ZFHX3: variants seen among roughly 807,000 people sequenced by gnomAD.
ZFHX3 encodes the protein zinc finger homeobox protein 3.
In ZFHX3, 42 loss-of-function variants were observed where a neutral mutation model predicts 279.1. The observed-to-expected ratio is 0.15, with a 90% CI of 0.12 to 0.19. The LOEUF is 0.19. ZFHX3 is among the 10% of genes least tolerant of loss of function. The probability of loss-of-function intolerance (pLI) is 1.00; values close to 1 mark genes in which losing one functional copy is unlikely to be tolerated. For missense variants in ZFHX3, 4,981 were observed against 4,754.0 expected (o/e 1.05, Z -1.40); for synonymous variants, 2,293 against 1,957.8 (o/e 1.17, Z -4.52).
At chr16:73,753,793 TTTAA>T (rs1262700588) in intron 1 of ZFHX3, among the ~76,000 whole-genome samples, 1 of 152,176 alleles carries the variant, frequency 6.6e-6, no homozygotes, top group East Asian at 1.9e-4. Flanking sequence ...GTGTTTTTTT[TTTAA>T]GAGAAAAACT....
chr16:73,549,453 G>A lies in ZFHX3; in HGVS notation c.-1546-93195C>T, dbSNP rs556310307. The stretch of plus-strand genomic sequence containing the variant: ...GTCATGATAGGAAGACAATATTTAC[G>A]TTTTTCTATCTTCTTTAGTTTAGTT... On this transcript the variant is annotated intron_variant, in intron 2 of 17. Coordinates refer to the ZFHX3 transcript ENST00000641206. Among the ~76,000 whole-genome samples the A allele has an allele frequency of 1.1e-4, 17 of 152,010 alleles. 1 individual carries two copies. In the South Asian group the frequency reaches 2.7e-3, roughly 24 times the overall value.
rs149281408 is a variant in ZFHX3, at chr16:73,135,610, T to G, written c.-1023-4516A>C. On this transcript the variant is annotated intron_variant, in intron 6 of 17. Transcript: ENST00000641206. The stretch of plus-strand genomic sequence containing the variant: ...CTGAATGTGGCCTGTGGAAGTCTTT[T>G]CACATACCAAAGAAAACACTATTCT... Among the ~76,000 whole-genome samples, 400 of 152,308 alleles carry G rather than the reference T, an allele frequency of 2.6e-3. 2 individuals are homozygous for G. Among genetic ancestry groups the G allele is most frequent in the Non-Finnish European group, 3.8e-3 (259 of 68,032 alleles).
At position 72,794,314 on chromosome 16, in the gene ZFHX3, T is replaced by C. The variant is rs1178585090; in HGVS notation, c.8368A>G (p.Lys2790Glu). 1 of 1,608,680 alleles carries C rather than the reference T, an allele frequency of 6.2e-7. No individual in the cohort carries two copies. Among genetic ancestry groups the C allele is most frequent in the East Asian group, 2.2e-5 (1 of 44,830 alleles). Residue 2790 changes from lysine to glutamate, a missense_variant, in exon 9 of 10, where the codon AAA becomes GAA. Physicochemically the swap from Lys to Glu is moderately conservative, Grantham distance 56 (BLOSUM62 1). Around this residue, in one of 7 missense-constraint regions of ZFHX3, gnomAD observed 744 missense variants for 701.3 expected, o/e 1.06. Transcript: ENST00000268489. The surrounding 1 kb of genome is among the most constrained non-coding windows in gnomAD (Gnocchi z 4.2). ...GTTCTGGGTGACAATTCCATGGTTT[T>C]ACTCACAGGTGAGAGGGGGACACCC... ...GQGVPLSPVS[K>E]TMELSPRTLL...
chr16:73,772,423 C>T (rs1045903831), intron 1 of ZFHX3, among the ~76,000 whole-genome samples: 3 of 152,204 alleles, frequency 2.0e-5, no homozygotes, highest in African/African-American at 7.2e-5. Context: ...ATCACGCGAA[C>T]AGCATGGGAA....
At chr16:73,548,301 G>C (rs930589300) in intron 2 of ZFHX3, among the ~76,000 whole-genome samples, 17 of 152,162 alleles carry the variant, frequency 1.1e-4, no homozygotes, top group African/African-American at 4.1e-4. Context: ...TTGAAGACGA[G>C]CATTGGACCT....
At position 73,261,940 on chromosome 16, in the gene ZFHX3, G is replaced by T. The variant is rs908944600; in HGVS notation, c.-1193-4804C>A. On this transcript the variant is annotated intron_variant, in intron 4 of 17. Transcript: ENST00000641206. Reference sequence around the variant, plus strand: ...TCCACCCACCTTGGTCTCCCAAAGTGCTGGGATTACAGGCGTGAGCTACGG... The same window carrying T: ...TCCACCCACCTTGGTCTCCCAAAGTTCTGGGATTACAGGCGTGAGCTACGG... 2.0e-5 allele frequency among the ~76,000 whole-genome samples: 3 copies of T among 152,160 alleles called. No individual in the cohort carries two copies. The East Asian group carries it at 5.8e-4, about 29-fold the overall frequency.
At chr16:73,396,852 C>A (rs1459981056) in intron 3 of ZFHX3, among the ~76,000 whole-genome samples, 1 of 152,196 alleles carries the variant, frequency 6.6e-6, no homozygotes, top group Non-Finnish European at 1.5e-5. Flanking sequence ...CCTGAGTACA[C>A]AGATGGCCTA....
At chr16:73,082,788 T>C (rs1379677777) in intron 8 of ZFHX3, among the ~76,000 whole-genome samples, 1 of 152,074 alleles carries the variant, frequency 6.6e-6, no homozygotes, top group Non-Finnish European at 1.5e-5. Context: ...TGCAGTGTGA[T>C]GAAATCACAG....
intron 5 of ZFHX3, among the ~76,000 whole-genome samples, chr16:73,190,887 A>G (rs1237072617): frequency 6.8e-6 from 1 of 147,942 alleles, no homozygotes; most frequent in Non-Finnish European, 1.5e-5. Flanking sequence ...GGAGAAGGAT[A>G]GAGACCAGGG....
At chr16:73,101,994 A>G (rs1312599116) in intron 7 of ZFHX3, among the ~76,000 whole-genome samples, 6 of 149,472 alleles carry the variant, frequency 4.0e-5, no homozygotes, top group African/African-American at 9.9e-5. Context: ...GCTCACTGCA[A>G]TCTCCGCCTC....
intron 7 of ZFHX3, among the ~76,000 whole-genome samples, chr16:72,800,371 A>G (rs548760620): frequency 6.6e-6 from 1 of 152,318 alleles, no homozygotes; most frequent in East Asian, 1.9e-4. Flanking sequence ...CTTCTTATTA[A>G]TATTTTTCCT....
intron 8 of ZFHX3, among the ~76,000 whole-genome samples, chr16:73,065,929 C>T (rs1414789174): frequency 6.6e-6 from 1 of 152,232 alleles, no homozygotes; most frequent in African/African-American, 2.4e-5. Context: ...CCGATCTTCC[C>T]GTGCGCTCAT....
At chr16:73,642,937 G>C (rs2052586923) in intron 2 of ZFHX3, among the ~76,000 whole-genome samples, 1 of 152,180 alleles carries the variant, frequency 6.6e-6, no homozygotes, top group South Asian at 2.1e-4. Flanking sequence ...TCGAGGAATG[G>C]TGGGGTACGA....
At chr16:73,885,401 G>A (rs1227651586) in intron 1 of ZFHX3, among the ~76,000 whole-genome samples, 4 of 152,166 alleles carry the variant, frequency 2.6e-5, no homozygotes, top group South Asian at 2.1e-4. Context: ...AACTAGCTGC[G>A]CTGTGGATGG....
chr16:73,268,713 A>G (rs1309248402), intron 4 of ZFHX3, among the ~76,000 whole-genome samples: 1 of 152,244 alleles, frequency 6.6e-6, no homozygotes, highest in African/African-American at 2.4e-5. Flanking sequence ...CTTTTGTTTT[A>G]AAATGAGGGG....
chr16:73,408,379 G>A (rs988234592), intron 3 of ZFHX3, among the ~76,000 whole-genome samples: 1 of 152,118 alleles, frequency 6.6e-6, no homozygotes, highest in African/African-American at 2.4e-5. Context: ...CAAGCCAATG[G>A]GATGACATAA....
chr16:72,865,463 C>G (rs1203168911), intron 4 of ZFHX3, among the ~76,000 whole-genome samples: 1 of 152,226 alleles, frequency 6.6e-6, no homozygotes, highest in African/African-American at 2.4e-5. Flanking sequence ...TGTGACAGCC[C>G]TTGTTAACAG....
intron 1 of ZFHX3, among the ~76,000 whole-genome samples, chr16:73,031,841 GA>G (rs1287989544): frequency 6.6e-6 from 1 of 152,186 alleles, no homozygotes; most frequent in Non-Finnish European, 1.5e-5. Context: ...GGTGTGGAGA[GA>G]ATGGGAGGAG....
At chr16:73,617,222 G>C (rs1281320272) in intron 2 of ZFHX3, among the ~76,000 whole-genome samples, 1 of 152,134 alleles carries the variant, frequency 6.6e-6, no homozygotes, top group African/African-American at 2.4e-5. Context: ...TTGATATGAC[G>C]GGCTGCTTAT....
Sources: gnomAD v4.1 joint callset for allele counts (sites outside exome capture counted in the v4.1 genomes callset) on GRCh38, gnomAD v4.1.1 for gene constraint, gnomAD v4.1.1 regional missense constraint, Gnocchi (gnomAD v3.1) non-coding constraint, MANE v1.5 for transcripts, NCBI Gene and HGNC (gene_info 2026-07-23, HGNC 2026-07-21) for gene names.